Variants in KCTD8 observed in about 807,000 individuals in gnomAD.
KCTD8 encodes the protein potassium channel tetramerization domain containing 8, also known as BTB/POZ domain-containing protein KCTD8.
KCTD8 carries 27 observed loss-of-function variants against 31.5 expected under a neutral mutation model. The ratio of observed to expected loss-of-function variants is 0.86; its 90% CI spans 0.63 to 1.18. The LOEUF is 1.18. Among genes scored for constraint, KCTD8 ranks in the 50% most tolerant of loss-of-function variants. KCTD8 has a pLI of 0.00. For missense variants in KCTD8, 658 were observed against 647.7 expected (o/e 1.02, Z -0.17); for synonymous variants, 290 against 280.0 (o/e 1.04, Z -0.36).
intron 1 of KCTD8, among the ~76,000 whole-genome samples, chr4:44,337,635 C>T (rs1183546145): frequency 7.3e-5 from 11 of 150,316 alleles, no homozygotes; most frequent in Non-Finnish European, 1.3e-4. Context: ...GATTGCACCA[C>T]TGCACTCCAG....
chr4:44,357,499 T>C (rs554478137), intron 1 of KCTD8, among the ~76,000 whole-genome samples: 202 of 152,286 alleles, frequency 1.3e-3, no homozygotes, highest in Non-Finnish European at 2.2e-3. Flanking sequence ...AAGTGTATTA[T>C]AAGAATATTT....
At chr4:44,391,737 G>A (rs1720380377) in intron 1 of KCTD8, among the ~76,000 whole-genome samples, 1 of 151,678 alleles carries the variant, frequency 6.6e-6, no homozygotes, top group African/African-American at 2.4e-5. Flanking sequence ...TGACTGCATG[G>A]GGATTGGCAC....
intron 1 of KCTD8, among the ~76,000 whole-genome samples, chr4:44,248,025 C>A (rs1347058844): frequency 2.0e-5 from 3 of 151,802 alleles, no homozygotes; most frequent in Admixed American, 6.6e-5. Context: ...TACAATAGTT[C>A]TTTTACTGTT....
chr4:44,386,327 G>A (rs910345335), intron 1 of KCTD8, among the ~76,000 whole-genome samples: 3 of 151,414 alleles, frequency 2.0e-5, no homozygotes, highest in Non-Finnish European at 4.4e-5. Context: ...TGAATAAAAT[G>A]TGGCATGTAC....
intron 1 of KCTD8, among the ~76,000 whole-genome samples, chr4:44,224,604 C>T (rs1409379539): frequency 1.3e-5 from 2 of 152,160 alleles, no homozygotes; most frequent in Non-Finnish European, 2.9e-5. Flanking sequence ...TCACAGGGCC[C>T]TTCATTCTGC....
chr4:44,277,826 G>C (rs1383815281), intron 1 of KCTD8, among the ~76,000 whole-genome samples: 2 of 151,852 alleles, frequency 1.3e-5, no homozygotes, highest in African/African-American at 4.8e-5. Flanking sequence ...AGTAAGTTGT[G>C]GAATTGGACT....
chr4:44,329,251 A>T (rs1462004957), intron 1 of KCTD8, among the ~76,000 whole-genome samples: 4 of 151,724 alleles, frequency 2.6e-5, no homozygotes, highest in African/African-American at 9.7e-5. Flanking sequence ...GATATCAAGA[A>T]ATGACCAATC....
intron 1 of KCTD8, among the ~76,000 whole-genome samples, chr4:44,211,746 A>G (rs1242133092): frequency 6.6e-6 from 1 of 152,052 alleles, no homozygotes; most frequent in East Asian, 1.9e-4. Flanking sequence ...TTGTTAATTA[A>G]TTTTTTGTCT....
intron 1 of KCTD8, among the ~76,000 whole-genome samples, chr4:44,420,487 T>C (rs964656947): frequency 2.0e-5 from 3 of 152,140 alleles, no homozygotes; most frequent in Non-Finnish European, 2.9e-5. Context: ...GGTCACAAAA[T>C]AGACATAACT....
chr4:44,200,005 C>A (rs1485201850), intron 1 of KCTD8, among the ~76,000 whole-genome samples: 1 of 151,594 alleles, frequency 6.6e-6, no homozygotes. Flanking sequence ...AAAAAAAGAT[C>A]CTGAAAGGGT....
chr4:44,310,647 A>G (rs963498842), intron 1 of KCTD8, among the ~76,000 whole-genome samples: 1 of 152,118 alleles, frequency 6.6e-6, no homozygotes, highest in Non-Finnish European at 1.5e-5. Flanking sequence ...ACAAGAACCA[A>G]TGATCAGATT....
intron 1 of KCTD8, among the ~76,000 whole-genome samples, chr4:44,423,205 T>C (rs1007711729): frequency 1.3e-5 from 2 of 152,056 alleles, no homozygotes; most frequent in Non-Finnish European, 2.9e-5. Context: ...CAACAAAGAA[T>C]TACTGAGCCC....
At chr4:44,244,907 T>G (rs905326125) in intron 1 of KCTD8, among the ~76,000 whole-genome samples, 17 of 152,062 alleles carry the variant, frequency 1.1e-4, no homozygotes, top group African/African-American at 3.4e-4. Flanking sequence ...GTTCTGCTTT[T>G]CTCTTGTTAA....
intron 1 of KCTD8, among the ~76,000 whole-genome samples, chr4:44,215,817 C>A (rs1191399940): frequency 6.6e-6 from 1 of 152,180 alleles, no homozygotes; most frequent in African/African-American, 2.4e-5. Flanking sequence ...AGAGCTCAAA[C>A]ATGTGAAAAG....
At chr4:44,315,176 T>C (rs992051825) in intron 1 of KCTD8, among the ~76,000 whole-genome samples, 4 of 152,028 alleles carry the variant, frequency 2.6e-5, no homozygotes, top group Non-Finnish European at 4.4e-5. Flanking sequence ...TTTCTTTACA[T>C]GACAAATTGT....
intron 1 of KCTD8, among the ~76,000 whole-genome samples, chr4:44,332,867 A>G (rs1319341931): frequency 6.6e-6 from 1 of 151,680 alleles, no homozygotes; most frequent in Non-Finnish European, 1.5e-5. Context: ...GAGATTCTCA[A>G]CTCTGACTCT....
In KCTD8 at chr4:44,357,903, A is replaced by AT. The variant is rs1303287338; in HGVS notation, c.961+89659dup. ...TAAATATTCTTTTATTATTATTATT[A>AT]TAATTATTATTATACTTTAAGTTCT... On this transcript the variant is annotated intron_variant, in intron 1 of 1. Coordinates refer to ENST00000360029, the MANE Select transcript of KCTD8 (RefSeq NM_198353.3). Among the ~76,000 whole-genome samples the AT allele has an allele frequency of 1.9e-3, 282 of 151,358 alleles. 4 individuals carry two copies. The highest frequency in any genetic ancestry group is 5.8e-3 in the African/African-American group (241 of 41,330).
At chr4:44,408,585 A>AT (rs1184078117) in intron 1 of KCTD8, among the ~76,000 whole-genome samples, 2 of 152,190 alleles carry the variant, frequency 1.3e-5, no homozygotes, top group African/African-American at 4.8e-5. Context: ...AAGGTCCTGA[A>AT]TAGATAATTT....
chr4:44,363,499 TGA>T (rs1719553044), intron 1 of KCTD8, among the ~76,000 whole-genome samples: 1 of 151,062 alleles, frequency 6.6e-6, no homozygotes, highest in Non-Finnish European at 1.5e-5. Flanking sequence ...TTGAGTAAAA[TGA>T]GATGCTGTAA....
Sources: allele counts gnomAD v4.1 joint callset (sites outside exome capture counted in the v4.1 genomes callset), GRCh38; gene constraint gnomAD v4.1.1; transcripts MANE v1.5; gene names NCBI Gene and HGNC (gene_info 2026-07-23, HGNC 2026-07-21).